C8orf34: variants seen among roughly 807,000 people sequenced by gnomAD.
The protein encoded by C8orf34 is chromosome 8 open reading frame 34.
In C8orf34, 65 loss-of-function variants were observed where a neutral mutation model predicts 68.3. That is an observed-to-expected ratio of 0.95 (90% CI 0.78 to 1.17). The LOEUF (loss-of-function observed/expected upper bound fraction) is 1.17, where lower values mean the gene tolerates loss of function less well. Ranked by LOEUF, C8orf34 falls within the 50% of genes most tolerant of loss-of-function variation. The pLI, the probability that C8orf34 is intolerant of heterozygous loss-of-function variation, is 0.00. For synonymous variants in C8orf34, 244 were observed against 241.2 expected, an observed-to-expected ratio of 1.01 and a Z score of -0.11; for missense variants, 664 against 655.4, an observed-to-expected ratio of 1.01 and a Z score of -0.14.
chr8:68,610,335 C>A (rs564157476), intron 7 of C8orf34, among the ~76,000 whole-genome samples: 1 of 152,058 alleles, frequency 6.6e-6, no homozygotes, highest in African/African-American at 2.4e-5. Context: ...CTACATGTAC[C>A]AAGAGTTAGT....
rs73283893 is a variant in C8orf34 at position 68,810,231 on chromosome 8, C to T, written c.1550-5655C>T. On this transcript the variant is annotated intron_variant, in intron 12 of 13. Transcript: ENST00000518698. ...GAGTAGTAAGGGGTGCGTGAGTGAG[C>T]GGGCACAGGGTCTGGCTACTACACA... Among the ~76,000 whole-genome samples, 739 of 152,270 alleles carry T rather than the reference C, an allele frequency of 4.9e-3. 5 individuals are homozygous for T. Among genetic ancestry groups the T allele is most frequent in the African/African-American group, 0.013 (528 of 41,564 alleles).
chr8:68,457,391 G>A lies in C8orf34; in HGVS notation c.607+10931G>A, dbSNP rs527671013. Among the ~76,000 whole-genome samples, 11 of 152,218 alleles carry A rather than the reference G, an allele frequency of 7.2e-5. No individual in the cohort carries two copies. The South Asian group carries it at 1.9e-3, about 26-fold the overall frequency. ...AGTATATTATAACTGTAGTACTGGG[G>A]ATATTTCCTGGCATATTTAAAACGA... is the stretch of plus-strand genomic sequence containing the variant. On this transcript the variant is annotated intron_variant, in intron 3 of 13. Transcript: ENST00000518698.
rs868688999 is a variant in C8orf34, at chr8:68,465,826, A to C, written c.608-2866A>C. Among the ~76,000 whole-genome samples, 1,182 of 152,024 alleles carry C rather than the reference A, an allele frequency of 7.8e-3. 16 individuals are homozygous for C. The highest frequency in any genetic ancestry group is 0.026 in the African/African-American group (1,073 of 41,448). On this transcript the variant is annotated intron_variant, in intron 3 of 13. Transcript: ENST00000518698. The stretch of plus-strand genomic sequence containing the variant: ...TGGGGTGGGGGCAGGGGGGAGGGAT[A>C]GCATTAGGAGATATACCTAATGCTA...
intron 8 of C8orf34, among the ~76,000 whole-genome samples, chr8:68,654,392 A>G (rs1585679402): frequency 6.6e-6 from 1 of 151,974 alleles, no homozygotes; most frequent in Admixed American, 6.6e-5. Context: ...TGCTTCTTTT[A>G]TTTTTCAGCT....
At chr8:68,642,673 T>C (rs1294850267) in intron 8 of C8orf34, among the ~76,000 whole-genome samples, 1 of 152,152 alleles carries the variant, frequency 6.6e-6, no homozygotes, top group Admixed American at 6.5e-5. Flanking sequence ...TTAGAAAATG[T>C]GACTATTCCA....
chr8:68,442,008 C>T (rs76714822), intron 2 of C8orf34, among the ~76,000 whole-genome samples: 145 of 152,010 alleles, frequency 9.5e-4, no homozygotes, highest in African/African-American at 3.3e-3. Context: ...AGCAGGAGTC[C>T]CAGATGTTAC....
chr8:68,372,731 C>T (rs1331286253), intron 1 of C8orf34, among the ~76,000 whole-genome samples: 1 of 152,134 alleles, frequency 6.6e-6, no homozygotes, highest in African/African-American at 2.4e-5. Flanking sequence ...AAGTATTTCT[C>T]CTAATGCTGT....
Position 68,463,941 on chromosome 8 carries a change from G to A in C8orf34, c.608-4751G>A, listed in dbSNP as rs557254035. Among the ~76,000 whole-genome samples, 319 of 152,216 alleles carry A rather than the reference G, an allele frequency of 2.1e-3. 1 individual carries two copies. Among genetic ancestry groups the A allele is most frequent in the African/African-American group, 6.9e-3 (287 of 41,504 alleles). On this transcript the variant is annotated intron_variant, in intron 3 of 13. Coordinates refer to ENST00000518698, the MANE Select transcript of C8orf34 (RefSeq NM_052958.4). ...AACATAGTGTTGGAAGTTCTGGCCA[G>A]GGCAATTAGGCAGGAGAAGGAAATA...
chr8:68,375,896 G>T (rs1586013096), intron 1 of C8orf34, among the ~76,000 whole-genome samples: 1 of 152,138 alleles, frequency 6.6e-6, no homozygotes, highest in African/African-American at 2.4e-5. Flanking sequence ...TTAGACTCAG[G>T]CATGTATATA....
intron 7 of C8orf34, among the ~76,000 whole-genome samples, chr8:68,613,925 A>G (rs1356935637): frequency 6.6e-6 from 1 of 151,936 alleles, no homozygotes; most frequent in African/African-American, 2.4e-5. Flanking sequence ...AAGTGTTCCT[A>G]TTTCTCCACA....
chr8:68,815,815 G>T, intron 12 of C8orf34, 71 bp from the exon 13 acceptor site: 1 of 1,612,014 alleles, frequency 6.2e-7, no homozygotes, highest in Admixed American at 1.7e-5. Flanking sequence ...TGGCTAAAGC[G>T]CTAGGGAATG....
intron 8 of C8orf34, among the ~76,000 whole-genome samples, chr8:68,704,933 T>C (rs1254759113): frequency 6.6e-6 from 1 of 152,168 alleles, no homozygotes; most frequent in Non-Finnish European, 1.5e-5. Flanking sequence ...GATAGCCTTA[T>C]GGAAAAGGGG....
intron 8 of C8orf34, among the ~76,000 whole-genome samples, chr8:68,660,756 C>G (rs1819647981): frequency 6.6e-6 from 1 of 152,142 alleles, no homozygotes; most frequent in South Asian, 2.1e-4. Context: ...TGGCCCTCCT[C>G]AAACAACGGA....
chr8:68,557,368 C>A (rs879415055), intron 7 of C8orf34, among the ~76,000 whole-genome samples: 3 of 152,054 alleles, frequency 2.0e-5, no homozygotes, highest in Non-Finnish European at 2.9e-5. Context: ...TAAACTTGAG[C>A]CCCAAAAGCT....
At chr8:68,431,662 A>G (rs1199649994) in intron 1 of C8orf34, among the ~76,000 whole-genome samples, 3 of 152,226 alleles carry the variant, frequency 2.0e-5, no homozygotes, top group African/African-American at 7.2e-5. Flanking sequence ...ACTGCATACT[A>G]AATGTTCAAT....
intron 10 of C8orf34, among the ~76,000 whole-genome samples, chr8:68,766,560 G>A (rs1585850725): frequency 6.6e-6 from 1 of 152,114 alleles, no homozygotes; most frequent in Admixed American, 6.6e-5. Flanking sequence ...AAAACAATAA[G>A]AATGTCATTT....
intron 1 of C8orf34, among the ~76,000 whole-genome samples, chr8:68,353,720 C>T (rs1390775028): frequency 6.7e-6 from 1 of 148,494 alleles, no homozygotes; most frequent in Non-Finnish European, 1.5e-5. Flanking sequence ...GAAAATATTG[C>T]AAAAAAAATT....
At chr8:68,730,032 A>G (rs1821936748) in intron 10 of C8orf34, among the ~76,000 whole-genome samples, 1 of 152,188 alleles carries the variant, frequency 6.6e-6, no homozygotes, top group South Asian at 2.1e-4. Context: ...GAGTGAATGA[A>G]TTAATGAACA....
chr8:68,705,098 T>C (rs1821125443), intron 8 of C8orf34, among the ~76,000 whole-genome samples: 1 of 152,158 alleles, frequency 6.6e-6, no homozygotes, highest in Admixed American at 6.6e-5. Flanking sequence ...CCATGTGCAA[T>C]GAGAGGCAGA....
Sources: allele counts gnomAD v4.1 joint callset (sites outside exome capture counted in the v4.1 genomes callset), GRCh38; gene constraint gnomAD v4.1.1; transcripts MANE v1.5; gene names NCBI Gene and HGNC (gene_info 2026-07-23, HGNC 2026-07-21).